Variants in SHCBP1 observed in about 807,000 individuals in gnomAD.
SHCBP1 encodes the protein SHC SH2 domain-binding protein 1.
A neutral mutation model predicts 75.1 loss-of-function variants in SHCBP1; 60 were observed. The ratio of observed to expected loss-of-function variants is 0.80; its 90% confidence interval spans 0.65 to 0.99. SHCBP1 has a LOEUF of 0.99. Ranked by LOEUF, SHCBP1 falls within the 50% of genes least tolerant of loss-of-function variation. The probability of loss-of-function intolerance (pLI) is 0.00; values close to 1 mark genes in which losing one functional copy is unlikely to be tolerated. For synonymous variants in SHCBP1, 290 were observed against 293.2 expected, an observed-to-expected ratio of 0.99 and a Z score of 0.11; for missense variants, 709 against 809.4, an observed-to-expected ratio of 0.88 and a Z score of 1.50.
chr16:46,603,838 A>T, intron 7 of SHCBP1, 137 bp downstream of exon 7: 1 of 1,286,568 alleles, frequency 7.8e-7, no homozygotes, highest in Non-Finnish European at 1.1e-6. Context: ...TGCTGATGAA[A>T]GGCAGGGCTC....
intron 4 of SHCBP1, among the ~76,000 whole-genome samples, chr16:46,610,684 G>A (rs1033914995): frequency 3.3e-5 from 5 of 149,436 alleles, no homozygotes; most frequent in Admixed American, 2.7e-4. Flanking sequence ...TCAGCCTCCC[G>A]AGTAGCTGGG....
intron 1 of SHCBP1, among the ~76,000 whole-genome samples, chr16:46,619,068 G>A (rs1965546444): frequency 6.6e-6 from 1 of 152,020 alleles, no homozygotes; most frequent in Non-Finnish European, 1.5e-5. Context: ...AATCCATAAG[G>A]TTTACTTCAG....
intron 9 of SHCBP1, 109 bp from the exon 10 acceptor site, chr16:46,595,779 A>G: frequency 1.6e-6 from 1 of 629,784 alleles, no homozygotes; most frequent in Non-Finnish European, 2.7e-6. Flanking sequence ...CTCAATGGCT[A>G]TCATTTAAAT....
At chr16:46,621,123 G>C in intron 1 of SHCBP1, 134 bp downstream of exon 1, 2 of 739,584 alleles carry the variant, frequency 2.7e-6, no homozygotes, top group Non-Finnish European at 4.1e-6. Flanking sequence ...ACTGGGTCCC[G>C]GCCGCGCACC....
At chr16:46,596,025 T>C (rs992428712) in intron 9 of SHCBP1, among the ~76,000 whole-genome samples, 1 of 152,106 alleles carries the variant, frequency 6.6e-6, no homozygotes, top group African/African-American at 2.4e-5. Flanking sequence ...ATTACTCCCA[T>C]GTGGAGATAA....
chr16:46,589,418 G>C (rs989233932), intron 10 of SHCBP1, among the ~76,000 whole-genome samples: 1 of 152,176 alleles, frequency 6.6e-6, no homozygotes, highest in African/African-American at 2.4e-5. Flanking sequence ...TGCATATCTA[G>C]AAAACCCCAT....
At chr16:46,604,501 G>A (rs1359127955) in intron 5 of SHCBP1, 40 bp from the exon 6 acceptor site, 1 of 1,447,792 alleles carries the variant, frequency 6.9e-7, no homozygotes, top group Admixed American at 1.7e-5. Context: ...CTGCCTTTCA[G>A]GCACATTTTC....
rs562242976 is a variant in SHCBP1 at position 46,584,545 on chromosome 16, T to C, written c.1465-456A>G. On this transcript the variant is annotated intron_variant, in intron 10 of 12. Transcript: ENST00000303383. Reference sequence around the variant, plus strand: ...TTGAGGATAGAAACAAGACCCCACATTTTCCAAAACGTGTCAGTTTTAAAA... The same window carrying C: ...TTGAGGATAGAAACAAGACCCCACACTTTCCAAAACGTGTCAGTTTTAAAA... Among the ~76,000 whole-genome samples the C allele has an allele frequency of 2.0e-5, 3 of 152,292 alleles. No homozygotes were observed. In the South Asian group the frequency reaches 6.2e-4, roughly 32 times the overall value.
rs142122823 is a variant in SHCBP1 at position 46,617,068 on chromosome 16, G to T, written c.387+566C>A. ...TGAGAAAAATTCAAAGCTGTAATTAGAATGCAAATGTAATCTAAAAGGCCT... is the reference window on the plus strand; with the variant it reads ...TGAGAAAAATTCAAAGCTGTAATTATAATGCAAATGTAATCTAAAAGGCCT... On this transcript the variant is annotated intron_variant, in intron 3 of 12. Transcript: ENST00000303383. Among the ~76,000 whole-genome samples the T allele has an allele frequency of 3.8e-3, 584 of 152,294 alleles. 1 individual carries two copies. Among genetic ancestry groups the T allele is most frequent in the Non-Finnish European group, 5.8e-3 (393 of 68,032 alleles).
In SHCBP1 at chr16:46,615,946, C is replaced by G; in HGVS notation, c.596G>C (p.Arg199Thr). Residue 199 changes from arginine (R) to threonine (T), a missense_variant and splice_region_variant, in exon 4 of 13, where the codon AGA becomes ACA. Arg to Thr is a moderately conservative substitution (Grantham distance 71). Coordinates refer to ENST00000303383, the MANE Select transcript of SHCBP1 (RefSeq NM_024745.5). The part of the protein sequence containing the change: ...DQTALAIEHV[R>T]FFYQNIWRSW... The stretch of plus-strand genomic sequence containing the variant: ...TATTTTTCTCAACTTCTTTTCCTAC[C>G]TGACATGCTCAATTGCAAGGGCTGT... 1 of 1,614,042 alleles carries G rather than the reference C, an allele frequency of 6.2e-7. No individual in the cohort carries two copies. Among genetic ancestry groups the G allele is most frequent in the Non-Finnish European group, 8.5e-7 (1 of 1,179,962 alleles).
rs757497206 is a variant in SHCBP1 at position 46,583,997 on chromosome 16, G to A, written c.1551+6C>T. ...TTGAAAAGTGGGTGTTTTGGCTGAT[G>A]CTCACCTTAATGAGGATCCCTTCCT... On this transcript the variant is annotated splice_donor_region_variant and intron_variant, in intron 11 of 12. Coordinates refer to ENST00000303383, the MANE Select transcript of SHCBP1 (RefSeq NM_024745.5). The A allele has an allele frequency of 1.2e-6, 2 of 1,601,318 alleles. No homozygotes were observed. Among genetic ancestry groups the A allele is most frequent in the African/African-American group, 2.7e-5 (2 of 74,910 alleles).
At chr16:46,596,848 C>T (rs1965151524) in intron 9 of SHCBP1, among the ~76,000 whole-genome samples, 1 of 151,746 alleles carries the variant, frequency 6.6e-6, no homozygotes, top group African/African-American at 2.4e-5. Context: ...CTGCTTCAGC[C>T]TCCAGAGTAG....
At chr16:46,590,237 C>T (rs1445598143) in intron 10 of SHCBP1, among the ~76,000 whole-genome samples, 1 of 152,184 alleles carries the variant, frequency 6.6e-6, no homozygotes, top group Non-Finnish European at 1.5e-5. Context: ...CTAGGCAATA[C>T]CATTCAGGAC....
chr16:46,604,007 G>A lies in SHCBP1; in HGVS notation c.1060C>T (p.Gln354Ter), dbSNP rs376727147. The change falls in exon 7 of 13, where the codon CAG (glutamine) becomes TAG (stop). Residue 354 changes from glutamine (Q) to a stop codon, truncating the protein, a stop_gained. Coordinates refer to ENST00000303383, the MANE Select transcript of SHCBP1 (RefSeq NM_024745.5). LOFTEE classifies it high-confidence loss of function. Reference protein sequence around the residue: ...LRSLLTDRLCQEPGEEEREIQ... With the variant: ...LRSLLTDRLC The stretch of plus-strand genomic sequence containing the variant: ...TCTCTTTCTTCCTCACCAGGCTCCT[G>A]GCAAAGCCTGTCCGTAAGCAGGGAC... The A allele has an allele frequency of 4.3e-6, 7 of 1,613,424 alleles. No individual in the cohort carries two copies. The highest frequency in any genetic ancestry group is 5.9e-6 in the Non-Finnish European group (7 of 1,179,894).
chr16:46,586,259 A>G (rs1287109165), intron 10 of SHCBP1, among the ~76,000 whole-genome samples: 1 of 152,232 alleles, frequency 6.6e-6, no homozygotes, highest in African/African-American at 2.4e-5. Flanking sequence ...AAGTCTCAGC[A>G]AAGAAGTAGA....
intron 12 of SHCBP1, among the ~76,000 whole-genome samples, 168 bp from the exon 13 acceptor site, chr16:46,582,222 T>A (rs1964883632): frequency 6.6e-6 from 1 of 152,194 alleles, no homozygotes; most frequent in Non-Finnish European, 1.5e-5. Context: ...ACCCTTTTCA[T>A]CCCAGAATCA....
At chr16:46,591,212 A>C in intron 10 of SHCBP1, among the ~76,000 whole-genome samples, 1 of 152,222 alleles carries the variant, frequency 6.6e-6, no homozygotes. Flanking sequence ...GATATACCTA[A>C]TGTAAATGAC....
chr16:46,585,093 C>T (rs1027088568), intron 10 of SHCBP1, among the ~76,000 whole-genome samples: 6 of 151,968 alleles, frequency 3.9e-5, no homozygotes, highest in Middle Eastern at 3.4e-3. Context: ...GATTTTGGGG[C>T]GACTATGTTT....
At chr16:46,583,722 T>C in intron 11 of SHCBP1, 65 bp from the exon 12 acceptor site, 1 of 1,543,934 alleles carries the variant, frequency 6.5e-7, no homozygotes, top group Non-Finnish European at 8.8e-7. Flanking sequence ...TTAAAAATCT[T>C]CTTTATTCAC....
Sources: gnomAD v4.1 joint callset for allele counts (sites outside exome capture counted in the v4.1 genomes callset) on GRCh38, gnomAD v4.1.1 for gene constraint, MANE v1.5 for transcripts, NCBI Gene and HGNC (gene_info 2026-07-23, HGNC 2026-07-21) for gene names.